The following ADAM12 variants were observed in gnomAD, a reference collection of about 807,000 sequenced individuals.
ADAM12 encodes the protein ADAM metallopeptidase domain 12, also known as disintegrin and metalloproteinase domain-containing protein 12.
ADAM12 carries 70 observed loss-of-function variants against 106.4 expected under a neutral mutation model. The observed-to-expected ratio is 0.66, with a 90% confidence interval of 0.54 to 0.80. The LOEUF is 0.80. Ranked by LOEUF, ADAM12 falls within the 30% of genes least tolerant of loss-of-function variation. ADAM12 has a pLI of 0.00. For synonymous variants in ADAM12, 420 were observed against 433.5 expected (o/e 0.97, Z 0.39); for missense variants, 1,010 against 1,171.9 (o/e 0.86, Z 2.02).
At chr10:126,069,213 C>T (rs1195401714) in intron 12 of ADAM12, among the ~76,000 whole-genome samples, 1 of 152,082 alleles carries the variant, frequency 6.6e-6, no homozygotes, top group Non-Finnish European at 1.5e-5. Context: ...CTGCCAAACA[C>T]AATTTGAGTT....
At chr10:126,074,740 A>T (rs1347411393) in intron 11 of ADAM12, among the ~76,000 whole-genome samples, 1 of 152,248 alleles carries the variant, frequency 6.6e-6, no homozygotes, top group Non-Finnish European at 1.5e-5. Flanking sequence ...GCTCTGAGGA[A>T]CAGCATCCTA....
intron 3 of ADAM12, among the ~76,000 whole-genome samples, chr10:126,226,345 C>T (rs943467104): frequency 7.2e-5 from 11 of 152,146 alleles, no homozygotes; most frequent in Admixed American, 1.3e-4. Flanking sequence ...TGGGCATGGG[C>T]GTGGCTGGTG....
At chr10:126,387,922 G>C in intron 1 of ADAM12, 136 bp downstream of exon 1, 4 of 1,102,064 alleles carry the variant, frequency 3.6e-6, no homozygotes, top group Non-Finnish European at 4.5e-6. Flanking sequence ...CGCGCTGGAA[G>C]CGCAAGCCCC....
At chr10:126,330,590 C>G in intron 1 of ADAM12, 81 bp from the exon 2 acceptor site, 5 of 1,234,520 alleles carry the variant, frequency 4.1e-6, no homozygotes, top group Non-Finnish European at 5.7e-6. Context: ...ATAAATGACA[C>G]AGTGAAAATA....
At chr10:126,076,033 T>G (rs1317111694) in intron 11 of ADAM12, among the ~76,000 whole-genome samples, 9 of 152,230 alleles carry the variant, frequency 5.9e-5, no homozygotes, top group Non-Finnish European at 2.9e-5. Flanking sequence ...ACCCAGGTAG[T>G]GAGCATAGTA....
intron 11 of ADAM12, among the ~76,000 whole-genome samples, chr10:126,087,692 G>A (rs1356050744): frequency 6.6e-6 from 1 of 152,186 alleles, no homozygotes; most frequent in Admixed American, 6.5e-5. Flanking sequence ...CCCAAAGTTC[G>A]AGGGAGAATT....
At chr10:126,336,522 A>G (rs1202807434) in intron 1 of ADAM12, among the ~76,000 whole-genome samples, 2 of 152,226 alleles carry the variant, frequency 1.3e-5, no homozygotes, top group Admixed American at 6.5e-5. Context: ...AGAAAAAGGC[A>G]GAGGATGTGA....
At chr10:126,204,000 T>C (rs1013506915) in intron 3 of ADAM12, among the ~76,000 whole-genome samples, 12 of 152,126 alleles carry the variant, frequency 7.9e-5, no homozygotes, top group African/African-American at 2.2e-4. Context: ...CCCCAGAAGT[T>C]CACCCAGGAG....
chr10:126,383,224 C>T (rs961658067), intron 1 of ADAM12, among the ~76,000 whole-genome samples: 7 of 151,954 alleles, frequency 4.6e-5, no homozygotes, highest in African/African-American at 1.7e-4. Context: ...CTCAGCCTCT[C>T]AAAGTGCTGG....
chr10:126,090,263 C>T (rs956772715), intron 11 of ADAM12, among the ~76,000 whole-genome samples: 38 of 149,004 alleles, frequency 2.6e-4, no homozygotes, highest in Non-Finnish European at 4.4e-4. Flanking sequence ...CTACCCCACC[C>T]GAGGAGATGG....
intron 3 of ADAM12, among the ~76,000 whole-genome samples, chr10:126,197,849 G>A (rs1957626004): frequency 2.0e-5 from 3 of 152,186 alleles, no homozygotes; most frequent in Non-Finnish European, 1.5e-5. Flanking sequence ...TGGAGAAGAA[G>A]CAAGAAAATG....
At chr10:126,037,265 C>A (rs532510548) in intron 20 of ADAM12, among the ~76,000 whole-genome samples, 49 of 145,864 alleles carry the variant, frequency 3.4e-4, no homozygotes, top group African/African-American at 1.2e-3. Flanking sequence ...TAGTTTGGGG[C>A]TCTCAAAAAT....
rs116914664 is a variant in ADAM12, at chr10:126,091,710, G to A, written c.1145+2275C>T. On this transcript the variant is annotated intron_variant, in intron 11 of 22. Coordinates refer to ENST00000448723, the MANE Select transcript of ADAM12 (RefSeq NM_001288973.2). The stretch of plus-strand genomic sequence containing the variant: ...GGGGCGATCTGGCTTGCATTCTTCA[G>A]CACTGCCATGAAGACTTTCCAATTG... 1.1e-4 allele frequency among the ~76,000 whole-genome samples: 16 copies of A among 152,274 alleles called. No homozygotes were observed. In the East Asian group the frequency reaches 3.1e-3, roughly 29 times the overall value.
chr10:126,337,449 G>A (rs1408268710), intron 1 of ADAM12, among the ~76,000 whole-genome samples: 5 of 152,242 alleles, frequency 3.3e-5, no homozygotes, highest in Admixed American at 6.5e-5. Context: ...CCAAGGGCAG[G>A]AGGAGTGGGA....
intron 5 of ADAM12, 68 bp from the exon 6 acceptor site, chr10:126,118,292 A>G: frequency 8.9e-7 from 1 of 1,120,158 alleles, no homozygotes; most frequent in South Asian, 1.6e-5. Context: ...GCCAAGACAC[A>G]GTTCTTAACA....
chr10:126,144,918 G>A (rs1412292234), intron 4 of ADAM12, among the ~76,000 whole-genome samples: 5 of 152,138 alleles, frequency 3.3e-5, no homozygotes, highest in Non-Finnish European at 5.9e-5. Context: ...GCTGGGATTC[G>A]AACCTGGGTA....
chr10:126,191,680 G>C (rs1957504032), intron 3 of ADAM12, among the ~76,000 whole-genome samples: 1 of 152,182 alleles, frequency 6.6e-6, no homozygotes, highest in Admixed American at 6.5e-5. Context: ...ATTCAACAAT[G>C]TTGAATGCTG....
chr10:126,087,412 G>A (rs1955379667), intron 11 of ADAM12, among the ~76,000 whole-genome samples: 1 of 152,156 alleles, frequency 6.6e-6, no homozygotes, highest in South Asian at 2.1e-4. Context: ...CTCTGGCTGA[G>A]TAATTAAATT....
Position 126,263,765 on chromosome 10 carries a change from C to G in ADAM12, c.260+15150G>C, listed in dbSNP as rs557256442. ...TCCATCTACATCAGTGATTTCAGTT[C>G]CTACATGTAAAATTACTTTGGAAAA... On this transcript the variant is annotated intron_variant, in intron 3 of 22. Coordinates refer to ENST00000448723, the MANE Select transcript of ADAM12 (RefSeq NM_001288973.2). Among the ~76,000 whole-genome samples the G allele has an allele frequency of 7.9e-4, 121 of 152,206 alleles. 1 individual carries two copies. Among genetic ancestry groups the G allele is most frequent in the African/African-American group, 2.9e-3 (119 of 41,506 alleles).
Sources: allele counts gnomAD v4.1 joint callset (sites outside exome capture counted in the v4.1 genomes callset), GRCh38; gene constraint gnomAD v4.1.1; transcripts MANE v1.5; gene names NCBI Gene and HGNC (gene_info 2026-07-23, HGNC 2026-07-21).